Variants in GPR158 observed in about 807,000 individuals in gnomAD.
GPR158 encodes G protein-coupled receptor 158.
Under a neutral mutation model 78.2 loss-of-function variants are expected in GPR158, and 30 were observed. The observed-to-expected ratio is 0.38, with a 90% CI of 0.29 to 0.52. GPR158 has a LOEUF of 0.52. GPR158 is among the 20% of genes least tolerant of loss of function. The pLI is 0.83. For synonymous variants in GPR158, 581 were observed against 591.1 expected (o/e 0.98, Z 0.25); for missense variants, 1,463 against 1,523.5 (o/e 0.96, Z 0.66).
rs566299810 is a variant in GPR158 at position 25,596,787 on chromosome 10, C to A, written c.2143C>A (p.Arg715=). The change falls in exon 10 of 11, where the codon CGG becomes AGG. Residue 715 remains arginine (R), a splice_region_variant and synonymous_variant. Transcript: ENST00000376351. ...SEHSLDPEDI[R]DELKKLYAQL... The stretch of plus-strand genomic sequence containing the variant: ...GCACAGCTTGGATCCAGAGGACATT[C>A]GGGTAATGCCAGTACTCTATCTTTC... 2.5e-6 allele frequency: 4 copies of A among 1,612,360 alleles called. No homozygotes were observed. In the African/African-American group the frequency reaches 4.0e-5, roughly 16 times the overall value.
At chr10:25,412,874 C>T (rs972953018) in intron 4 of GPR158, among the ~76,000 whole-genome samples, 2 of 152,042 alleles carry the variant, frequency 1.3e-5, no homozygotes, top group Non-Finnish European at 2.9e-5. Flanking sequence ...TGGTAAATGA[C>T]TCAACTATTT....
intron 3 of GPR158, among the ~76,000 whole-genome samples, chr10:25,411,827 G>T (rs1037185666): frequency 6.6e-6 from 1 of 150,548 alleles, no homozygotes; most frequent in Non-Finnish European, 1.5e-5. Flanking sequence ...CCAGCTACTC[G>T]GGAGGCTGAG....
At chr10:25,417,516 C>A (rs1397883088) in intron 4 of GPR158, among the ~76,000 whole-genome samples, 2 of 152,098 alleles carry the variant, frequency 1.3e-5, no homozygotes, top group Non-Finnish European at 2.9e-5. Flanking sequence ...TCTCCTGGAT[C>A]TTGAAAAATA....
chr10:25,201,547 T>C (rs1852929621), intron 1 of GPR158, among the ~76,000 whole-genome samples: 1 of 152,094 alleles, frequency 6.6e-6, no homozygotes, highest in East Asian at 1.9e-4. Context: ...TGAATAGCAG[T>C]GTTGTGAGTG....
At chr10:25,246,553 G>C (rs1853692152) in intron 2 of GPR158, among the ~76,000 whole-genome samples, 1 of 152,152 alleles carries the variant, frequency 6.6e-6, no homozygotes, top group South Asian at 2.1e-4. Flanking sequence ...AAGCTGATGA[G>C]CTGAGCATTA....
rs1304794026 is a variant in GPR158, at chr10:25,271,655, C to T, written c.1008+50498C>T. Among the ~76,000 whole-genome samples, 4 of 152,102 alleles carry T rather than the reference C, an allele frequency of 2.6e-5. No individual in the cohort carries two copies. In the East Asian group the frequency reaches 5.8e-4, roughly 22 times the overall value. On this transcript the variant is annotated intron_variant, in intron 2 of 10. Transcript: ENST00000376351. ...CTACCTATATACAGTTCTATGCCAG[C>T]GCATATAACTTAGAAACATTTTTGA...
chr10:25,363,048 T>G (rs1365178991), intron 2 of GPR158, among the ~76,000 whole-genome samples: 1 of 151,902 alleles, frequency 6.6e-6, no homozygotes, highest in African/African-American at 2.4e-5. Flanking sequence ...TTCCATTTGA[T>G]TGTAGTCTCT....
At position 25,446,692 on chromosome 10, in the gene GPR158, C is replaced by T. The variant is rs572784649; in HGVS notation, c.1336-19959C>T. Reference sequence around the variant, plus strand: ...AATTATTTCATGCTCAAATCAAGTTCTAACCTATTTGCTTATTGTGTTGGG... The same window carrying T: ...AATTATTTCATGCTCAAATCAAGTTTTAACCTATTTGCTTATTGTGTTGGG... On this transcript the variant is annotated intron_variant, in intron 4 of 10. Transcript: ENST00000376351. Among the ~76,000 whole-genome samples, 72 of 152,262 alleles carry T rather than the reference C, an allele frequency of 4.7e-4. 2 individuals are homozygous for T. The South Asian group carries it at 0.015, about 31-fold the overall frequency.
chr10:25,438,642 C>T (rs1835029487), intron 4 of GPR158, among the ~76,000 whole-genome samples: 1 of 152,106 alleles, frequency 6.6e-6, no homozygotes, highest in Non-Finnish European at 1.5e-5. Context: ...TACTGCAAAC[C>T]ACTGTTTACT....
intron 1 of GPR158, among the ~76,000 whole-genome samples, chr10:25,191,901 T>C (rs1852776209): frequency 6.6e-6 from 1 of 152,198 alleles, no homozygotes; most frequent in African/African-American, 2.4e-5. Context: ...ACATAGGGGC[T>C]ATCATAAGAG....
chr10:25,522,353 C>G (rs1836289271), intron 5 of GPR158, among the ~76,000 whole-genome samples: 1 of 152,186 alleles, frequency 6.6e-6, no homozygotes, highest in South Asian at 2.1e-4. Context: ...AAGCTCTGGA[C>G]ATCCATCTGA....
intron 1 of GPR158, among the ~76,000 whole-genome samples, chr10:25,203,400 GT>G (rs1739700511): frequency 6.6e-6 from 1 of 152,146 alleles, no homozygotes; most frequent in Non-Finnish European, 1.5e-5. Flanking sequence ...TAACATTTAA[GT>G]CTTTAATCCA....
intron 4 of GPR158, among the ~76,000 whole-genome samples, chr10:25,449,366 C>T (rs1835183549): frequency 6.6e-6 from 1 of 152,086 alleles, no homozygotes; most frequent in African/African-American, 2.4e-5. Context: ...TTGTCTTATG[C>T]CTGCCTCACT....
At chr10:25,356,691 G>C (rs1588820896) in intron 2 of GPR158, among the ~76,000 whole-genome samples, 1 of 152,212 alleles carries the variant, frequency 6.6e-6, no homozygotes, top group African/African-American at 2.4e-5. Flanking sequence ...ATGATTGTGA[G>C]GCCTCCGCAG....
rs191474728 is a variant in GPR158, at chr10:25,375,271, T to C, written c.1009-20640T>C. Among the ~76,000 whole-genome samples, 569 of 151,774 alleles carry C rather than the reference T, an allele frequency of 3.7e-3. 4 individuals are homozygous for C. Among genetic ancestry groups the C allele is most frequent in the Non-Finnish European group, 3.6e-3 (242 of 67,658 alleles). ...TTCAATTTTAAGAGTTTTGGAAATA[T>C]TCTAGATTCTTTTTGGATAGGTTGC... On this transcript the variant is annotated intron_variant, in intron 2 of 10. Coordinates refer to ENST00000376351, the MANE Select transcript of GPR158 (RefSeq NM_020752.3).
chr10:25,340,295 A>T (rs1760750), intron 2 of GPR158, among the ~76,000 whole-genome samples: 124,149 of 151,966 alleles, frequency 0.82, 51,761 homozygotes, highest in African/African-American at 0.91. Context: ...TTGAAACAAG[A>T]TATACCCGTT....
At chr10:25,212,332 G>A (rs185409082) in intron 1 of GPR158, among the ~76,000 whole-genome samples, 28 of 152,190 alleles carry the variant, frequency 1.8e-4, no homozygotes, top group Admixed American at 1.2e-3. Flanking sequence ...GGAGCGAAGC[G>A]GGGTGTGCTA....
chr10:25,406,393 C>A, intron 3 of GPR158, among the ~76,000 whole-genome samples: 1 of 152,246 alleles, frequency 6.6e-6, no homozygotes. Flanking sequence ...ACTCAGTAAT[C>A]TACCTTTTAT....
At chr10:25,547,254 G>A (rs1405258614) in intron 5 of GPR158, among the ~76,000 whole-genome samples, 1 of 151,996 alleles carries the variant, frequency 6.6e-6, no homozygotes, top group Non-Finnish European at 1.5e-5. Flanking sequence ...GGATTCCCTG[G>A]TGCACACACT....
Sources: gnomAD v4.1 joint callset for allele counts (sites outside exome capture counted in the v4.1 genomes callset) on GRCh38, gnomAD v4.1.1 for gene constraint, MANE v1.5 for transcripts, NCBI Gene and HGNC (gene_info 2026-07-23, HGNC 2026-07-21) for gene names.